The following ACTL6B variants were observed in gnomAD, a reference collection of about 807,000 sequenced individuals.
ACTL6B encodes the protein actin like 6B.
A neutral mutation model predicts 63.3 loss-of-function variants in ACTL6B; 48 were observed. The observed-to-expected ratio is 0.76, with a 90% CI of 0.60 to 0.96. The LOEUF is 0.96. Ranked by LOEUF, ACTL6B falls within the 50% of genes least tolerant of loss-of-function variation. The probability of loss-of-function intolerance (pLI) is 0.00; values close to 1 mark genes in which losing one functional copy is unlikely to be tolerated. For missense variants in ACTL6B, 350 were observed against 572.2 expected (o/e 0.61, Z 3.96); for synonymous variants, 230 against 223.8 (o/e 1.03, Z -0.25).
At chr7:100,649,898 G>A (rs1250902933) in intron 5 of ACTL6B, 140 bp downstream of exon 5, 2 of 704,404 alleles carry the variant, frequency 2.8e-6, no homozygotes, top group East Asian at 2.9e-5. Context: ...CTGCACTAGT[G>A]GGGCAGAGGG....
intron 4 of ACTL6B, among the ~76,000 whole-genome samples, chr7:100,650,822 A>G (rs777594110): frequency 6.6e-6 from 1 of 152,164 alleles, no homozygotes; most frequent in Non-Finnish European, 1.5e-5. Context: ...ATAAGAGAAA[A>G]GGGAATTAAA....
At chr7:100,644,965 A>C (rs893742036) in intron 13 of ACTL6B, among the ~76,000 whole-genome samples, 5 of 152,186 alleles carry the variant, frequency 3.3e-5, no homozygotes, top group Admixed American at 6.5e-5. Context: ...CTGAGGCAGA[A>C]GAATCGCTTG....
chr7:100,651,033 A>G (rs1004675326), intron 4 of ACTL6B, among the ~76,000 whole-genome samples: 5 of 152,210 alleles, frequency 3.3e-5, no homozygotes, highest in African/African-American at 1.2e-4. Context: ...AATTCTATAA[A>G]CTTTCAGAAA....
intron 13 of ACTL6B, among the ~76,000 whole-genome samples, chr7:100,645,363 C>T (rs1226281479): frequency 1.3e-5 from 2 of 152,136 alleles, no homozygotes. Flanking sequence ...GCCTCCTTTA[C>T]TAGTTGCCCC....
At position 100,656,386 on chromosome 7, in the gene ACTL6B, C is replaced by T. The variant is rs746455277; in HGVS notation, c.-32G>A. On this transcript the variant is annotated 5_prime_UTR_variant, in exon 1 of 14. Coordinates refer to ENST00000160382, the MANE Select transcript of ACTL6B (RefSeq NM_016188.5). ...CGCTGCGCTGCTAGCGGCCCGTGGG[C>T]GGTGGCGGGATCAGCACCGAGGCGG... 54 of 1,313,938 alleles carry T rather than the reference C, an allele frequency of 4.1e-5. 1 individual carries two copies. The South Asian group carries it at 9.6e-4, about 23-fold the overall frequency. 81.4% of individuals were successfully genotyped at this position (1,313,938 alleles called of 1,614,324 possible).
Position 100,647,742 on chromosome 7 carries a change from AG to A in ACTL6B, c.670-210del. On this transcript the variant is annotated intron_variant, in intron 7 of 13. Transcript: ENST00000160382. This position sits in a 1 kb window ranked among gnomAD's most constrained non-coding sequence, Gnocchi z 4.4. ...TGTGTGCCTTTCATGCGGTGGGTGC[AG>A]CTGATCTGGAGAACACCAGGAATAC... 1 of 542,918 alleles carries A rather than the reference AG, an allele frequency of 1.8e-6. No homozygotes were observed. Among genetic ancestry groups the A allele is most frequent in the Non-Finnish European group, 3.3e-6 (1 of 307,138 alleles). The allele number at this position is 542,918 out of a possible 1,614,324, so 33.6% of individuals were successfully genotyped here. A position where few individuals can be genotyped will look rare whatever the true frequency, so the allele number is the denominator to read the frequency against.
In ACTL6B at chr7:100,646,874, C is replaced by G. The variant is rs1021514089; in HGVS notation, c.937-43G>C. ...TGGGGCTGTGGGCTCTCTCCCCCTT[C>G]CCCCCAGACCCCTGCAATCCTTCCC... is the stretch of plus-strand genomic sequence containing the variant. On this transcript the variant is annotated intron_variant, in intron 10 of 13. Transcript: ENST00000160382. The surrounding 1 kb of genome is among the most constrained non-coding windows in gnomAD (Gnocchi z 6.1). The G allele has an allele frequency of 1.3e-5, 20 of 1,590,982 alleles. No homozygotes were observed. Among genetic ancestry groups the G allele is most frequent in the African/African-American group, 1.3e-5 (1 of 74,494 alleles).
chr7:100,655,670 A>G lies in ACTL6B; in HGVS notation c.103-84T>C. On this transcript the variant is annotated intron_variant, in intron 2 of 13. Coordinates refer to ENST00000160382, the MANE Select transcript of ACTL6B (RefSeq NM_016188.5). The surrounding 1 kb of genome is among the most constrained non-coding windows in gnomAD (Gnocchi z 4.4). ...TCCAGCCCCACAGCAGGGTCCTCAG[A>G]CCGCCCCTGGGTTTATTCCCATATT... The G allele has an allele frequency of 6.5e-7, 1 of 1,531,026 alleles. No individual in the cohort carries two copies. Among genetic ancestry groups the G allele is most frequent in the Non-Finnish European group, 8.8e-7 (1 of 1,136,374 alleles). The allele number at this position is 1,531,026 out of a possible 1,614,324, so 94.8% of individuals were successfully genotyped here. A position where few individuals can be genotyped will look rare whatever the true frequency, so the allele number is the denominator to read the frequency against.
In ACTL6B at chr7:100,643,279, G is replaced by A. The variant is rs768622321; in HGVS notation, c.1248C>T (p.Gly416=). The A allele has an allele frequency of 7.4e-6, 12 of 1,613,846 alleles. No individual in the cohort carries two copies. The highest frequency in any genetic ancestry group is 2.2e-5 in the East Asian group (1 of 44,868). The change falls in exon 14 of 14, where the codon GGC becomes GGT. Residue 416 remains glycine (G), a synonymous_variant. Transcript: ENST00000160382. Reference sequence around the variant, plus strand: ...ACTTTCGCTCCACGCACTGCTTCCCGCCCTCCTCATATTCCTGCTTGGAGA... The same window carrying A: ...ACTTTCGCTCCACGCACTGCTTCCCACCCTCCTCATATTCCTGCTTGGAGA... ...MWISKQEYEE[G]GKQCVERKCP is the part of the protein sequence containing the mutation.
rs760376533 is a variant in ACTL6B at position 100,646,738 on chromosome 7, G to A, written c.1017+13C>T. On this transcript the variant is annotated intron_variant, in intron 11 of 13. Coordinates refer to ENST00000160382, the MANE Select transcript of ACTL6B (RefSeq NM_016188.5). The surrounding 1 kb of genome is among the most constrained non-coding windows in gnomAD (Gnocchi z 6.1). ...GGCCCCTTTGCCGAGCCTCAGCTCC[G>A]GCCTGGCCTCACCGGGCGAATATCA... 70 of 1,612,960 alleles carry A rather than the reference G, an allele frequency of 4.3e-5. No individual in the cohort carries two copies. The highest frequency in any genetic ancestry group is 5.3e-5 in the Non-Finnish European group (63 of 1,179,784).
rs1281079963 is a variant in ACTL6B, at chr7:100,646,929, C to G, written c.936+42G>C. 1.2e-6 allele frequency: 2 copies of G among 1,607,328 alleles called. No individual in the cohort carries two copies. Among genetic ancestry groups the G allele is most frequent in the Non-Finnish European group, 1.7e-6 (2 of 1,174,956 alleles). ...TCCCCCACGCCCCAGGATCCAGGGA[C>G]TGCAGCCAGCACCCACCCCAGTCCT... On this transcript the variant is annotated intron_variant, in intron 10 of 13. Coordinates refer to ENST00000160382, the MANE Select transcript of ACTL6B (RefSeq NM_016188.5). This position sits in a 1 kb window ranked among gnomAD's most constrained non-coding sequence, Gnocchi z 6.1.
In ACTL6B at chr7:100,649,919, C is replaced by G. The variant is rs1803902932; in HGVS notation, c.467+119G>C. Reference sequence around the variant, plus strand: ...TAGTGGGGCAGAGGGAGGTGTCTGCCCATTGGGACACTGATCTTCAGAGAA... The same window carrying G: ...TAGTGGGGCAGAGGGAGGTGTCTGCGCATTGGGACACTGATCTTCAGAGAA... On this transcript the variant is annotated intron_variant, in intron 5 of 13. Coordinates refer to ENST00000160382, the MANE Select transcript of ACTL6B (RefSeq NM_016188.5). 7.1e-6 allele frequency: 6 copies of G among 848,410 alleles called. No individual in the cohort carries two copies. The South Asian group carries it at 7.8e-5, about 11-fold the overall frequency. 52.6% of individuals were successfully genotyped at this position (848,410 alleles called of 1,614,324 possible).
chr7:100,648,799 G>A lies in ACTL6B; in HGVS notation c.492C>T (p.Gly164=). 1.2e-6 allele frequency: 2 copies of A among 1,613,846 alleles called. No individual in the cohort carries two copies. The highest frequency in any genetic ancestry group is 1.7e-6 in the Non-Finnish European group (2 of 1,179,908). Residue 164 remains glycine (G), a synonymous_variant, in exon 6 of 14, where the codon GGC becomes GGT. Transcript: ENST00000160382. This position sits in a 1 kb window ranked among gnomAD's most constrained non-coding sequence, Gnocchi z 4.4. ...GGGTGGCTCCACTGTCCAGCACGAGGCCAGTGGACCGCCCGTTTGCAAAGC... is the reference window on the plus strand; with the variant it reads ...GGGTGGCTCCACTGTCCAGCACGAGACCAGTGGACCGCCCGTTTGCAAAGC... ...LTAFANGRST[G]LVLDSGATHT... is the part of the protein sequence containing the mutation.
chr7:100,649,789 C>T (rs955243713), intron 5 of ACTL6B, among the ~76,000 whole-genome samples: 3 of 152,192 alleles, frequency 2.0e-5, no homozygotes, highest in Non-Finnish European at 2.9e-5. Context: ...TACTCTCTCC[C>T]GGGCCCAGCT....
In ACTL6B at chr7:100,647,843, C is replaced by T; in HGVS notation, c.670-310G>A. ...TGTGAGGGCACGGAATGGAGCTAAG[C>T]ACACAGTGTCACTTCATACTCACAG... is the stretch of plus-strand genomic sequence containing the variant. On this transcript the variant is annotated intron_variant, in intron 7 of 13. Coordinates refer to ENST00000160382, the MANE Select transcript of ACTL6B (RefSeq NM_016188.5). The surrounding 1 kb of genome is among the most constrained non-coding windows in gnomAD (Gnocchi z 4.4). The T allele has an allele frequency of 2.9e-6, 1 of 350,802 alleles. No individual in the cohort carries two copies. 21.7% of individuals were successfully genotyped at this position (350,802 alleles called of 1,614,324 possible).
rs1003747286 is a variant in ACTL6B, at chr7:100,646,081, G to T, written c.1200+168C>A. Among the ~76,000 whole-genome samples the T allele has an allele frequency of 6.6e-6, 1 of 152,200 alleles. No individual in the cohort carries two copies. Among genetic ancestry groups the T allele is most frequent in the Admixed American group, 6.5e-5 (1 of 15,278 alleles). ...CCACCATACCGGGCCCCTGCCCCCC[G>T]ATTTGTGTCCTGTTCACCCTTCTGG... is the stretch of plus-strand genomic sequence containing the variant. On this transcript the variant is annotated intron_variant, in intron 13 of 13. Transcript: ENST00000160382. This position sits in a 1 kb window ranked among gnomAD's most constrained non-coding sequence, Gnocchi z 6.1.
In ACTL6B at chr7:100,646,682, GC is replaced by G; in HGVS notation, c.1018-37del. ...GGAGAAGGAGTGAGCTGCGGGGGCA[GC>G]CCCCCAACCCCGTCTCCCCACTTCC... On this transcript the variant is annotated intron_variant, in intron 11 of 13. Transcript: ENST00000160382. This position sits in a 1 kb window ranked among gnomAD's most constrained non-coding sequence, Gnocchi z 6.1. 1 of 1,613,048 alleles carries G rather than the reference GC, an allele frequency of 6.2e-7. No individual in the cohort carries two copies. The highest frequency in any genetic ancestry group is 8.5e-7 in the Non-Finnish European group (1 of 1,179,364).
At chr7:100,645,909 G>A (rs962036327) in intron 13 of ACTL6B, among the ~76,000 whole-genome samples, 2 of 152,118 alleles carry the variant, frequency 1.3e-5, no homozygotes, top group East Asian at 1.9e-4. Flanking sequence ...AGGGATTACC[G>A]GCATGAGCCA....
Position 100,655,735 on chromosome 7 carries a change from G to A in ACTL6B, c.102+68C>T, listed in dbSNP as rs776774329. On this transcript the variant is annotated intron_variant, in intron 2 of 13. Transcript: ENST00000160382. The surrounding 1 kb of genome is among the most constrained non-coding windows in gnomAD (Gnocchi z 4.4). The stretch of plus-strand genomic sequence containing the variant: ...CTTCTGGGCGATCTGGGAGAGCCCT[G>A]GGTCACTGGAAAGCCTGAAGAAGGG... The A allele has an allele frequency of 2.6e-6, 4 of 1,531,416 alleles. No homozygotes were observed. Among genetic ancestry groups the A allele is most frequent in the East Asian group, 2.4e-5 (1 of 40,938 alleles). The allele number at this position is 1,531,416 out of a possible 1,614,324, so 94.9% of individuals were successfully genotyped here. A position where few individuals can be genotyped will look rare whatever the true frequency, so the allele number is the denominator to read the frequency against.
Sources: gnomAD v4.1 joint callset for allele counts (sites outside exome capture counted in the v4.1 genomes callset) on GRCh38, gnomAD v4.1.1 for gene constraint, Gnocchi (gnomAD v3.1) non-coding constraint, MANE v1.5 for transcripts, NCBI Gene and HGNC (gene_info 2026-07-23, HGNC 2026-07-21) for gene names.